NECAB1: variants seen among roughly 807,000 people sequenced by gnomAD.
NECAB1 encodes N-terminal EF-hand calcium-binding protein 1.
NECAB1 carries 29 observed loss-of-function variants against 57.5 expected under a neutral mutation model. The observed-to-expected ratio is 0.50, with a 90% confidence interval of 0.38 to 0.69. The LOEUF (loss-of-function observed/expected upper bound fraction) is 0.69. Ranked by LOEUF, NECAB1 falls within the 30% of genes least tolerant of loss-of-function variation. The pLI, the probability that NECAB1 is intolerant of heterozygous loss-of-function variation, is 0.00. For missense variants in NECAB1, 372 were observed against 413.8 expected (o/e 0.90, Z 0.88); for synonymous variants, 142 against 147.7 (o/e 0.96, Z 0.28).
intron 5 of NECAB1, among the ~76,000 whole-genome samples, chr8:90,893,036 G>A (rs749475356): frequency 2.0e-5 from 3 of 152,086 alleles, no homozygotes; most frequent in Non-Finnish European, 4.4e-5. Context: ...CACCATCTCT[G>A]TCTCCCAACT....
chr8:90,881,150 T>C lies in NECAB1; in HGVS notation c.357+20T>C. On this transcript the variant is annotated intron_variant, in intron 5 of 12. Transcript: ENST00000417640. Reference sequence around the variant, plus strand: ...AAGAAAGTAAGAAAATGTTAATGTTTATTTTCTATAAAAATCTCTTCTTTG... The same window carrying C: ...AAGAAAGTAAGAAAATGTTAATGTTCATTTTCTATAAAAATCTCTTCTTTG... The C allele has an allele frequency of 6.8e-7, 1 of 1,479,606 alleles. No individual in the cohort carries two copies. The highest frequency in any genetic ancestry group is 9.2e-7 in the Non-Finnish European group (1 of 1,085,636). The allele number at this position is 1,479,606 out of a possible 1,614,324, so 91.7% of individuals were successfully genotyped here.
chr8:90,864,850 C>T (rs1280083187), intron 3 of NECAB1, among the ~76,000 whole-genome samples: 6 of 152,036 alleles, frequency 3.9e-5, no homozygotes, highest in African/African-American at 1.5e-4. Flanking sequence ...CCTAAGAGAG[C>T]AGACATAAAA....
chr8:90,818,725 G>A (rs2129691791), intron 2 of NECAB1, among the ~76,000 whole-genome samples: 1 of 152,068 alleles, frequency 6.6e-6, no homozygotes, highest in African/African-American at 2.4e-5. Flanking sequence ...GGTTTTGGGT[G>A]AGGGGAGATT....
chr8:90,809,980 T>C (rs932277401), intron 2 of NECAB1, among the ~76,000 whole-genome samples: 14 of 152,228 alleles, frequency 9.2e-5, no homozygotes, highest in African/African-American at 3.4e-4. Context: ...TTAATCTGTA[T>C]AACAATATTG....
At chr8:90,896,409 C>T (rs1010791438) in intron 5 of NECAB1, among the ~76,000 whole-genome samples, 1 of 152,030 alleles carries the variant, frequency 6.6e-6, no homozygotes, top group African/African-American at 2.4e-5. Context: ...TCGAGACCAT[C>T]CTGGCTAACA....
At chr8:90,889,762 G>A (rs1809108232) in intron 5 of NECAB1, among the ~76,000 whole-genome samples, 1 of 152,140 alleles carries the variant, frequency 6.6e-6, no homozygotes, top group African/African-American at 2.4e-5. Context: ...AGAGAGAGAT[G>A]GGCTGGGCGT....
chr8:90,911,731 C>A (rs1046763705), intron 5 of NECAB1, among the ~76,000 whole-genome samples: 1 of 152,120 alleles, frequency 6.6e-6, no homozygotes, highest in African/African-American at 2.4e-5. Context: ...TTTGTCCTAG[C>A]AATAATTCTG....
At chr8:90,835,007 G>A (rs1322841928) in intron 3 of NECAB1, among the ~76,000 whole-genome samples, 3 of 140,928 alleles carry the variant, frequency 2.1e-5, no homozygotes, top group Non-Finnish European at 3.0e-5. Context: ...TTTTAAAAAA[G>A]AGCCCGCATC....
At chr8:90,925,093 C>A (rs1031384889) in intron 6 of NECAB1, among the ~76,000 whole-genome samples, 1 of 151,712 alleles carries the variant, frequency 6.6e-6, no homozygotes, top group South Asian at 2.1e-4. Context: ...GGGGGTGAAA[C>A]GAGGGAGCTC....
chr8:90,905,273 A>T (rs1239860832), intron 5 of NECAB1, among the ~76,000 whole-genome samples: 1 of 152,224 alleles, frequency 6.6e-6, no homozygotes, highest in African/African-American at 2.4e-5. Flanking sequence ...GAAGCCAGGG[A>T]AAGTCCAATA....
rs548473426 is a variant in NECAB1, at chr8:90,837,983, G to A, written c.233+13158G>A. Among the ~76,000 whole-genome samples, 183 of 152,240 alleles carry A rather than the reference G, an allele frequency of 1.2e-3. 2 individuals carry two copies. Among genetic ancestry groups the A allele is most frequent in the Non-Finnish European group, 1.8e-3 (120 of 68,020 alleles). On this transcript the variant is annotated intron_variant, in intron 3 of 12. Coordinates refer to ENST00000417640, the MANE Select transcript of NECAB1 (RefSeq NM_022351.5). ...TTTCAAAATCTCTTTATTGTGCGTA[G>A]AGCTAATTGTGTCTATGTCCTGGTT... is the stretch of plus-strand genomic sequence containing the variant.
At chr8:90,874,919 A>T (rs1216661812) in intron 4 of NECAB1, among the ~76,000 whole-genome samples, 1 of 151,022 alleles carries the variant, frequency 6.6e-6, no homozygotes, top group Admixed American at 6.6e-5. Context: ...CACTCTTCAC[A>T]TACAATTGTG....
chr8:90,956,947 T>TAC lies in NECAB1; in HGVS notation c.*1435_*1436insAC, dbSNP rs1220305110. 1.0e-5 allele frequency: 1 copy of TAC among 97,644 alleles called. No homozygotes were observed. The highest frequency in any genetic ancestry group is 2.7e-4 in the East Asian group (1 of 3,638). 6.0% of individuals were successfully genotyped at this position (97,644 alleles called of 1,614,324 possible). ...TTGATATATTGTACATACACACGTG[T>TAC]GTGTGTGTGTGTGTGTGTGTGTGTG... On this transcript the variant is annotated 3_prime_UTR_variant, in exon 13 of 13. Coordinates refer to ENST00000417640, the MANE Select transcript of NECAB1 (RefSeq NM_022351.5).
At chr8:90,916,199 T>A (rs1168138923) in intron 5 of NECAB1, among the ~76,000 whole-genome samples, 2 of 152,232 alleles carry the variant, frequency 1.3e-5, no homozygotes, top group Non-Finnish European at 1.5e-5. Context: ...TGATTGAAAC[T>A]TTTTACTATT....
At chr8:90,867,404 A>G (rs759153687) in intron 3 of NECAB1, among the ~76,000 whole-genome samples, 18 of 152,240 alleles carry the variant, frequency 1.2e-4, no homozygotes, top group Admixed American at 5.2e-4. Flanking sequence ...CTATGAAAAC[A>G]CTACGATTAG....
intron 3 of NECAB1, among the ~76,000 whole-genome samples, chr8:90,856,453 T>A (rs917215345): frequency 6.6e-5 from 10 of 152,070 alleles, no homozygotes; most frequent in Admixed American, 3.9e-4. Flanking sequence ...AAAAACAAGA[T>A]CAGCTTTAAC....
At chr8:90,792,407 A>G (rs1340695726) in intron 1 of NECAB1, among the ~76,000 whole-genome samples, 1 of 152,226 alleles carries the variant, frequency 6.6e-6, no homozygotes, top group Non-Finnish European at 1.5e-5. Context: ...CCAGGGAAGC[A>G]GCAGCGATTG....
At chr8:90,952,685 G>A (rs1053461849) in intron 12 of NECAB1, among the ~76,000 whole-genome samples, 14 of 152,206 alleles carry the variant, frequency 9.2e-5, no homozygotes, top group African/African-American at 3.1e-4. Flanking sequence ...GCTGAGGCAG[G>A]AGAATTGCTT....
At chr8:90,797,866 G>A (rs1811688224) in intron 1 of NECAB1, among the ~76,000 whole-genome samples, 1 of 152,182 alleles carries the variant, frequency 6.6e-6, no homozygotes, top group South Asian at 2.1e-4. Flanking sequence ...TCTGGACCCA[G>A]TTTCCCTAAG....
Sources: gnomAD v4.1 joint callset for allele counts (sites outside exome capture counted in the v4.1 genomes callset) on GRCh38, gnomAD v4.1.1 for gene constraint, MANE v1.5 for transcripts, NCBI Gene and HGNC (gene_info 2026-07-23, HGNC 2026-07-21) for gene names.